CPA6: variants seen among roughly 807,000 people sequenced by gnomAD.
CPA6 encodes the protein carboxypeptidase B.
A neutral mutation model predicts 63.3 loss-of-function variants in CPA6; 58 were observed. The observed-to-expected ratio is 0.92, with a 90% confidence interval of 0.74 to 1.14. CPA6 has a LOEUF of 1.14. CPA6 is among the 50% of genes most tolerant of loss of function. The probability of loss-of-function intolerance (pLI) is 0.00; values close to 1 mark genes in which losing one functional copy is unlikely to be tolerated. For synonymous variants in CPA6, 185 were observed against 179.0 expected, an observed-to-expected ratio of 1.03 and a Z score of -0.27; for missense variants, 565 against 526.6, an observed-to-expected ratio of 1.07 and a Z score of -0.71.
chr8:67,607,251 T>TCTTCTTCTTCTTCTCCTCCTC (rs1554679725), intron 2 of CPA6, among the ~76,000 whole-genome samples: 2 of 81,150 alleles, frequency 2.5e-5, no homozygotes, highest in African/African-American at 1.3e-4. Flanking sequence ...TTCTTCTTCT[T>TCTTCTTCTTCTTCTCCTCCTC]CTCCTCCTCC....
At chr8:67,734,122 C>A (rs1055841333) in intron 1 of CPA6, among the ~76,000 whole-genome samples, 27 of 151,548 alleles carry the variant, frequency 1.8e-4, no homozygotes, top group Non-Finnish European at 3.5e-4. Context: ...AAGTGATTCT[C>A]CCACCTTGGC....
chr8:67,430,131 ATGTGTGTGTGTGTGTG>A (rs58059553), intron 9 of CPA6, among the ~76,000 whole-genome samples: 35 of 128,668 alleles, frequency 2.7e-4, no homozygotes, highest in South Asian at 1.5e-3. Context: ...GTATATATAT[ATGTGTGTGTGTGTGTG>A]TGTGTGTGTG....
chr8:67,699,035 G>A (rs1005963741), intron 1 of CPA6, among the ~76,000 whole-genome samples: 1 of 152,174 alleles, frequency 6.6e-6, no homozygotes, highest in Non-Finnish European at 1.5e-5. Context: ...AGAATGGCAT[G>A]GTCTCTAATG....
At chr8:67,439,546 G>A (rs1001875877) in intron 8 of CPA6, among the ~76,000 whole-genome samples, 1 of 150,452 alleles carries the variant, frequency 6.6e-6, no homozygotes, top group Non-Finnish European at 1.5e-5. Flanking sequence ...CTGAGATCAC[G>A]CCATTGCACT....
intron 2 of CPA6, among the ~76,000 whole-genome samples, chr8:67,564,650 A>G (rs78688234): frequency 0.019 from 2,932 of 152,270 alleles, 104 homozygotes; most frequent in African/African-American, 0.065. Flanking sequence ...TAGAAGAGAA[A>G]AATGTCTATG....
At chr8:67,627,183 G>A (rs181031078) in intron 1 of CPA6, among the ~76,000 whole-genome samples, 204 of 152,202 alleles carry the variant, frequency 1.3e-3, no homozygotes, top group Middle Eastern at 3.4e-3. Context: ...ATGGAATGAC[G>A]GGTAACCAAA....
At chr8:67,466,223 T>C (rs1414028059) in intron 8 of CPA6, among the ~76,000 whole-genome samples, 4 of 151,940 alleles carry the variant, frequency 2.6e-5, no homozygotes, top group Non-Finnish European at 4.4e-5. Flanking sequence ...CCACTTCCTC[T>C]AGATTTTCTA....
chr8:67,496,842 A>G (rs12114562), intron 6 of CPA6, among the ~76,000 whole-genome samples: 4,528 of 152,094 alleles, frequency 0.03, 225 homozygotes, highest in African/African-American at 0.1. Context: ...TACAGGCGTG[A>G]GCCACGGTGC....
At chr8:67,504,938 G>A (rs975712570) in intron 6 of CPA6, among the ~76,000 whole-genome samples, 7 of 152,158 alleles carry the variant, frequency 4.6e-5, no homozygotes, top group African/African-American at 9.7e-5. Context: ...ATGATGTATC[G>A]GTGGAAATGG....
At chr8:67,470,753 T>C (rs1811039791) in intron 8 of CPA6, among the ~76,000 whole-genome samples, 1 of 152,196 alleles carries the variant, frequency 6.6e-6, no homozygotes, top group South Asian at 2.1e-4. Context: ...AAAATAACAA[T>C]TCTTCACATA....
At position 67,454,147 on chromosome 8, in the gene CPA6, T is replaced by TA. The variant is rs556408618; in HGVS notation, c.839-19908dup. 4.6e-5 allele frequency among the ~76,000 whole-genome samples: 7 copies of TA among 152,320 alleles called. No homozygotes were observed. The South Asian group carries it at 1.2e-3, about 27-fold the overall frequency. The stretch of plus-strand genomic sequence containing the variant: ...CTATACCAACCCTGTCTTTACAAAA[T>TA]AAAATCAGAATCCTGAATGGCTGTG... On this transcript the variant is annotated intron_variant, in intron 8 of 10. Transcript: ENST00000297770.
intron 2 of CPA6, among the ~76,000 whole-genome samples, chr8:67,620,755 A>G (rs575177607): frequency 5.3e-5 from 8 of 152,306 alleles, no homozygotes; most frequent in Admixed American, 2.6e-4. Context: ...TCGAAACTCA[A>G]TATCTCCAAC....
intron 2 of CPA6, chr8:67,569,866 C>T (rs1273686740): frequency 1.1e-5 from 2 of 184,114 alleles, no homozygotes; most frequent in East Asian, 3.4e-4. Flanking sequence ...GAAGCTCTCT[C>T]AAACATTCAA....
At chr8:67,532,799 T>TG (rs907533120) in intron 2 of CPA6, among the ~76,000 whole-genome samples, 8 of 152,204 alleles carry the variant, frequency 5.3e-5, no homozygotes, top group Admixed American at 5.2e-4. Context: ...TTCCAATATC[T>TG]GGTGGTTGCC....
intron 8 of CPA6, among the ~76,000 whole-genome samples, chr8:67,450,723 A>G (rs1457391678): frequency 6.6e-6 from 1 of 152,010 alleles, no homozygotes; most frequent in Non-Finnish European, 1.5e-5. Context: ...ACAGTGGAGC[A>G]CTCCTCTTGA....
chr8:67,423,291 A>G (rs978842439), intron 10 of CPA6, among the ~76,000 whole-genome samples: 1 of 152,030 alleles, frequency 6.6e-6, no homozygotes, highest in African/African-American at 2.4e-5. Flanking sequence ...TACCATGTTG[A>G]CCACGTTGGC....
chr8:67,609,839 T>C (rs911949104), intron 2 of CPA6, among the ~76,000 whole-genome samples: 1 of 152,124 alleles, frequency 6.6e-6, no homozygotes, highest in Non-Finnish European at 1.5e-5. Flanking sequence ...ATGGTCAATA[T>C]GGTGAAACCC....
At chr8:67,661,422 G>T (rs1421596298) in intron 1 of CPA6, among the ~76,000 whole-genome samples, 1 of 152,186 alleles carries the variant, frequency 6.6e-6, no homozygotes, top group African/African-American at 2.4e-5. Flanking sequence ...CGAGGAAGCC[G>T]CTGTGTGATC....
rs62511382 is a variant in CPA6, at chr8:67,662,410, C to T, written c.117-38159G>A. On this transcript the variant is annotated intron_variant, in intron 1 of 10. Transcript: ENST00000297770. ...AAATGAGACTACATATATACACACA[C>T]GTATATGTATATATAGAATACATAC... Among the ~76,000 whole-genome samples, 443 of 140,420 alleles carry T rather than the reference C, an allele frequency of 3.2e-3. 1 individual carries two copies. The highest frequency in any genetic ancestry group is 4.0e-3 in the East Asian group (19 of 4,750). The allele number at this position is 140,420 out of a possible 152,430, so 92.1% of individuals were successfully genotyped here.
Sources: allele counts gnomAD v4.1 joint callset (sites outside exome capture counted in the v4.1 genomes callset), GRCh38; gene constraint gnomAD v4.1.1; transcripts MANE v1.5; gene names NCBI Gene and HGNC (gene_info 2026-07-23, HGNC 2026-07-21).